Variants in ANO1 observed in about 807,000 individuals in gnomAD.
The protein encoded by ANO1 is anoctamin-1.
A neutral mutation model predicts 124.0 loss-of-function variants in ANO1; 59 were observed. The ratio of observed to expected loss-of-function variants is 0.48; its 90% CI spans 0.39 to 0.59. The LOEUF is 0.59. Among genes scored for constraint, ANO1 ranks in the 20% least tolerant of loss-of-function variants. The pLI is 0.00. For synonymous variants in ANO1, 529 were observed against 532.0 expected (o/e 0.99, Z 0.08); for missense variants, 1,059 against 1,328.0 (o/e 0.80, Z 3.15).
chr11:69,971,864 A>G, the ANO1 span, among the ~76,000 whole-genome samples: 1 of 152,118 alleles, frequency 6.6e-6, no homozygotes, highest in African/African-American at 2.4e-5. Context: ...CTTTGCAGAG[A>G]ACAAAACAGA....
At chr11:69,996,128 A>C (rs1554998322) in intron 1 of ANO1, among the ~76,000 whole-genome samples, 1 of 140,478 alleles carries the variant, frequency 7.1e-6, no homozygotes, top group East Asian at 2.1e-4. Flanking sequence ...CAACCAACCA[A>C]TAAAAAATGA....
At chr11:70,148,580 G>C (rs749967320) in intron 11 of ANO1, among the ~76,000 whole-genome samples, 1 of 152,228 alleles carries the variant, frequency 6.6e-6, no homozygotes, top group Non-Finnish European at 1.5e-5. Context: ...GCAAGGAACA[G>C]CTCGAGAATC....
intron 2 of ANO1, among the ~76,000 whole-genome samples, chr11:70,095,353 A>AG (rs1491384965): frequency 1.8e-3 from 19 of 10,578 alleles, no homozygotes; most frequent in African/African-American, 4.3e-3. Context: ...AGAAAAAGAA[A>AG]GAAAGAAAGA....
In ANO1 at chr11:70,188,121, C is replaced by T. The variant is rs1308057008; in HGVS notation, c.*117C>T. On this transcript the variant is annotated 3_prime_UTR_variant, in exon 26 of 26. Transcript: ENST00000355303. ...CGGTGGGTCCTGGGTTTTCTGCAAA[C>T]ATGGAGGACCACTTTCTGATAGGAC... 8.6e-7 allele frequency: 1 copy of T among 1,158,168 alleles called. No individual in the cohort carries two copies. Among genetic ancestry groups the T allele is most frequent in the Non-Finnish European group, 1.2e-6 (1 of 845,738 alleles). The allele number at this position is 1,158,168 out of a possible 1,614,324, so 71.7% of individuals were successfully genotyped here. A position where few individuals can be genotyped will look rare whatever the true frequency, so the allele number is the denominator to read the frequency against.
Position 70,019,603 on chromosome 11 carries a change from G to A in ANO1, c.58+33437G>A, listed in dbSNP as rs1032162279. 4.6e-5 allele frequency among the ~76,000 whole-genome samples: 7 copies of A among 152,106 alleles called. No homozygotes were observed. In the East Asian group the frequency reaches 1.2e-3, roughly 25 times the overall value. ...TATGCATTCAGTGACATCACCCTGGGAGCTTAAAATGGGCCATGATGGGAA... is the reference window on the plus strand; with the variant it reads ...TATGCATTCAGTGACATCACCCTGGAAGCTTAAAATGGGCCATGATGGGAA... On this transcript the variant is annotated intron_variant, in intron 1 of 27. Coordinates refer to the ANO1 transcript ENST00000531349.
chr11:70,134,961 C>G lies in ANO1; in HGVS notation c.1258+2882C>G, dbSNP rs541709557. On this transcript the variant is annotated intron_variant, in intron 11 of 25. Coordinates refer to ENST00000355303, the MANE Select transcript of ANO1 (RefSeq NM_018043.7). ...CTGAGAAGAACTTAGTGTGCTGGCT[C>G]AGAGGAATCAGAACCCAGTGCCATC... is the stretch of plus-strand genomic sequence containing the variant. Among the ~76,000 whole-genome samples, 35 of 152,274 alleles carry G rather than the reference C, an allele frequency of 2.3e-4. No homozygotes were observed. The South Asian group carries it at 6.6e-3, about 29-fold the overall frequency.
intron 1 of ANO1, among the ~76,000 whole-genome samples, chr11:70,041,127 T>C (rs980696546): frequency 2.0e-5 from 3 of 152,102 alleles, no homozygotes; most frequent in Admixed American, 6.5e-5. Flanking sequence ...TGTGTGACAG[T>C]AGGGGCAGGG....
At chr11:69,979,038 C>T in the ANO1 span, among the ~76,000 whole-genome samples, 2,830 of 152,182 alleles carry the variant, frequency 0.019, 107 homozygotes, top group African/African-American at 0.065. Context: ...TCGAGCGATG[C>T]GGGCAACCTC....
At chr11:70,156,595 C>T (rs1476965857) in intron 15 of ANO1, among the ~76,000 whole-genome samples, 1 of 152,186 alleles carries the variant, frequency 6.6e-6, no homozygotes, top group East Asian at 1.9e-4. Flanking sequence ...AGAAGTGAGA[C>T]TTTTAGCTGA....
chr11:70,176,646 G>T (rs888833762), intron 22 of ANO1, among the ~76,000 whole-genome samples: 2 of 152,082 alleles, frequency 1.3e-5, no homozygotes, highest in African/African-American at 2.4e-5. Flanking sequence ...GACTTTTGTT[G>T]AATTCCAAAA....
chr11:70,116,133 A>G (rs541374793), intron 7 of ANO1, among the ~76,000 whole-genome samples: 1 of 152,136 alleles, frequency 6.6e-6, no homozygotes, highest in African/African-American at 2.4e-5. Flanking sequence ...TGCCTCCAAA[A>G]GCCCCCTTTC....
intron 6 of ANO1, among the ~76,000 whole-genome samples, chr11:70,110,908 G>A (rs1352248303): frequency 2.6e-5 from 4 of 152,244 alleles, no homozygotes; most frequent in African/African-American, 4.8e-5. Context: ...GCCCGCATGC[G>A]CACCTGTTAG....
At chr11:70,019,633 TACACC>T (rs1555002423) in intron 1 of ANO1, among the ~76,000 whole-genome samples, 2 of 152,216 alleles carry the variant, frequency 1.3e-5, no homozygotes, top group African/African-American at 4.8e-5. Flanking sequence ...TGGGAAGGTT[TACACC>T]TCCGCAATTG....
At chr11:70,157,979 CAAAAA>C (rs548012147) in intron 16 of ANO1, among the ~76,000 whole-genome samples, 2 of 74,292 alleles carry the variant, frequency 2.7e-5, no homozygotes, top group African/African-American at 5.4e-5. Flanking sequence ...GACCCTGTCT[CAAAAA>C]AAAAAAAAAA....
intron 25 of ANO1, among the ~76,000 whole-genome samples, chr11:70,186,782 T>C (rs574041544): frequency 6.6e-6 from 1 of 152,246 alleles, no homozygotes; most frequent in Non-Finnish European, 1.5e-5. Flanking sequence ...TCCCCAAGAC[T>C]GGGTTCAAGT....
chr11:70,152,534 T>A, intron 13 of ANO1, 73 bp downstream of exon 13: 1 of 1,537,722 alleles, frequency 6.5e-7, no homozygotes, highest in Non-Finnish European at 9.0e-7. Flanking sequence ...CTCTTGCACC[T>A]AATCTCTTTC....
chr11:70,091,861 A>G (rs1261718948), intron 2 of ANO1, among the ~76,000 whole-genome samples: 1 of 152,176 alleles, frequency 6.6e-6, no homozygotes. Context: ...CATTGTGTTG[A>G]GACATCTTGT....
intron 1 of ANO1, among the ~76,000 whole-genome samples, chr11:70,028,282 C>T (rs1405271426): frequency 6.6e-6 from 1 of 152,168 alleles, no homozygotes; most frequent in Non-Finnish European, 1.5e-5. Flanking sequence ...GTCCCCTCCC[C>T]GCTCCACCAG....
At chr11:70,100,119 T>C (rs1369988022) in intron 2 of ANO1, among the ~76,000 whole-genome samples, 1 of 152,144 alleles carries the variant, frequency 6.6e-6, no homozygotes, top group Non-Finnish European at 1.5e-5. Context: ...GCTGTCTCCC[T>C]GAAGCAGCTT....
Sources: allele counts gnomAD v4.1 joint callset (sites outside exome capture counted in the v4.1 genomes callset), GRCh38; gene constraint gnomAD v4.1.1; transcripts MANE v1.5; gene names NCBI Gene and HGNC (gene_info 2026-07-23, HGNC 2026-07-21).